Variants in RHOBTB1 observed in about 807,000 individuals in gnomAD.
RHOBTB1 encodes Rho related BTB domain containing 1, also known as rho-related BTB domain-containing protein 1.
A neutral mutation model predicts 71.6 loss-of-function variants in RHOBTB1; 40 were observed. The ratio of observed to expected loss-of-function variants is 0.56; its 90% CI spans 0.43 to 0.73. The LOEUF is 0.73. Among genes scored for constraint, RHOBTB1 ranks in the 30% least tolerant of loss-of-function variants. The pLI, the probability that RHOBTB1 is intolerant of heterozygous loss-of-function variation, is 0.00. For missense variants in RHOBTB1, 797 were observed against 894.0 expected (o/e 0.89, Z 1.38); for synonymous variants, 319 against 334.9 (o/e 0.95, Z 0.52).
chr10:60,953,502 C>CGACA (rs2085482836), intron 2 of RHOBTB1, among the ~76,000 whole-genome samples: 7 of 152,164 alleles, frequency 4.6e-5, no homozygotes, highest in Admixed American at 4.6e-4. Context: ...TAACAGTTTT[C>CGACA]AATACCTCAA....
chr10:60,897,476 T>C (rs2082214382), intron 4 of RHOBTB1, among the ~76,000 whole-genome samples: 1 of 152,188 alleles, frequency 6.6e-6, no homozygotes, highest in Non-Finnish European at 1.5e-5. Context: ...GGGCCTTGGG[T>C]TTTCTTACCT....
intron 2 of RHOBTB1, among the ~76,000 whole-genome samples, chr10:60,980,343 C>T (rs957116523): frequency 4.6e-5 from 7 of 152,032 alleles, no homozygotes; most frequent in African/African-American, 1.7e-4. Flanking sequence ...GTAAGTTGAA[C>T]ACATTTTTGA....
chr10:60,928,886 A>T (rs2084055785), intron 2 of RHOBTB1, among the ~76,000 whole-genome samples: 1 of 152,196 alleles, frequency 6.6e-6, no homozygotes, highest in Non-Finnish European at 1.5e-5. Flanking sequence ...TGGGTAATTT[A>T]TAAAGAAAAG....
chr10:60,905,642 C>T (rs1035402451), intron 4 of RHOBTB1, among the ~76,000 whole-genome samples: 1 of 151,856 alleles, frequency 6.6e-6, no homozygotes, highest in Non-Finnish European at 1.5e-5. Context: ...ATTTTATGCC[C>T]AAAGCGAGTG....
the RHOBTB1 span, among the ~76,000 whole-genome samples, chr10:60,862,780 CTT>C: frequency 6.2e-3 from 907 of 146,044 alleles, 11 homozygotes; most frequent in African/African-American, 0.022. Context: ...CTCTTTTCCT[CTT>C]TCTTTCTTCC....
intron 8 of RHOBTB1, among the ~76,000 whole-genome samples, chr10:60,875,445 C>A (rs953119626): frequency 1.3e-5 from 2 of 152,204 alleles, no homozygotes; most frequent in African/African-American, 4.8e-5. Flanking sequence ...GCTGTTTGGA[C>A]CATCCAGATA....
At chr10:60,952,873 C>G (rs1002533456) in intron 2 of RHOBTB1, among the ~76,000 whole-genome samples, 2 of 152,100 alleles carry the variant, frequency 1.3e-5, no homozygotes. Context: ...CCTTGACAAA[C>G]AGCCAATACT....
chr10:60,979,385 A>G (rs1431425679), intron 2 of RHOBTB1, among the ~76,000 whole-genome samples: 1 of 152,206 alleles, frequency 6.6e-6, no homozygotes, highest in East Asian at 1.9e-4. Flanking sequence ...ATCAATGGTC[A>G]AAAAGAAAAT....
At chr10:60,944,509 C>A (rs2085129882), upstream of RHOBTB1, among the ~76,000 whole-genome samples, 1 of 152,130 alleles carries the variant, frequency 6.6e-6, no homozygotes, top group African/African-American at 2.4e-5. Context: ...CATGGGAGAC[C>A]CCGGCCCTTT....
At chr10:60,995,570 A>G (rs1036060694) in intron 1 of RHOBTB1, among the ~76,000 whole-genome samples, 3 of 152,246 alleles carry the variant, frequency 2.0e-5, no homozygotes, top group African/African-American at 7.2e-5. Context: ...AAAGATGGCA[A>G]ACCTGCTATT....
chr10:60,866,398 C>T (rs1468671079), downstream of RHOBTB1, among the ~76,000 whole-genome samples: 2 of 152,114 alleles, frequency 1.3e-5, no homozygotes, highest in African/African-American at 4.8e-5. Context: ...AACAATTATG[C>T]ACATGAAACA....
At position 60,872,244 on chromosome 10, in the gene RHOBTB1, C is replaced by G. The variant is rs1363682961; in HGVS notation, c.1862G>C (p.Cys621Ser). 8 of 1,613,974 alleles carry G rather than the reference C, an allele frequency of 5.0e-6. No homozygotes were observed. The highest frequency in any genetic ancestry group is 5.9e-6 in the Non-Finnish European group (7 of 1,180,002). ...QLAAWCLHHI[C>S]TNYNSVCSKF... ...GGAGCATACACTGTTGTAGTTGGTG[C>G]AGATGTGGTGCAAACACCAGGCGGC... is the stretch of plus-strand genomic sequence containing the variant. Residue 621 changes from cysteine (C) to serine (S), a missense_variant, in exon 10 of 11, where the codon TGC becomes TCC. Physicochemically the swap from Cys to Ser is moderately radical, Grantham distance 112. This residue lies in a region of RHOBTB1 where 658 missense variants were observed against 681.5 expected (regional missense o/e 0.97). Transcript: ENST00000337910.
intron 4 of RHOBTB1, among the ~76,000 whole-genome samples, chr10:60,908,793 C>T (rs948264506): frequency 6.6e-6 from 1 of 152,104 alleles, no homozygotes; most frequent in African/African-American, 2.4e-5. Flanking sequence ...GGGTCTGTGT[C>T]AGGACGCCTG....
At chr10:60,878,085 T>C (rs758995253) in intron 7 of RHOBTB1, 27 bp from the exon 8 acceptor site, 1 of 1,598,616 alleles carries the variant, frequency 6.3e-7, no homozygotes, top group Non-Finnish European at 8.5e-7. Context: ...AAAGCTAAAT[T>C]CTGCTGCAGA....
chr10:61,001,437 C>A (rs938410197), exon 1 of RHOBTB1: 1 of 151,584 alleles, frequency 6.6e-6, no homozygotes, highest in Non-Finnish European at 1.5e-5. Context: ...CTCTGGGTCC[C>A]GCCGGGCGGC....
chr10:60,885,764 G>A lies in RHOBTB1; in HGVS notation c.1575+348C>T, dbSNP rs76298424. The stretch of plus-strand genomic sequence containing the variant: ...GCTCCTCTTGTACTTGGTTTTGATA[G>A]TACCATGCCTGGTGACATTTGCCAA... On this transcript the variant is annotated intron_variant, in intron 7 of 10. Transcript: ENST00000337910. Among the ~76,000 whole-genome samples the A allele has an allele frequency of 2.7e-3, 408 of 152,274 alleles. 1 individual carries two copies. Among genetic ancestry groups the A allele is most frequent in the African/African-American group, 9.3e-3 (386 of 41,546 alleles).
At chr10:60,895,630 C>T (rs545577427) in intron 4 of RHOBTB1, among the ~76,000 whole-genome samples, 3 of 152,224 alleles carry the variant, frequency 2.0e-5, no homozygotes, top group Non-Finnish European at 4.4e-5. Flanking sequence ...TCTCAAACTC[C>T]CCACCTCGGG....
At chr10:60,965,799 T>C (rs1447225465) in intron 2 of RHOBTB1, among the ~76,000 whole-genome samples, 2 of 152,128 alleles carry the variant, frequency 1.3e-5, no homozygotes, top group African/African-American at 4.8e-5. Context: ...CCTCTAACCA[T>C]CCATCCTAGA....
At chr10:60,891,274 T>G (rs1388671835) in intron 5 of RHOBTB1, among the ~76,000 whole-genome samples, 1 of 152,010 alleles carries the variant, frequency 6.6e-6, no homozygotes, top group African/African-American at 2.4e-5. Context: ...ATATAAAATT[T>G]TGTAATAAGC....
Sources: allele counts gnomAD v4.1 joint callset (sites outside exome capture counted in the v4.1 genomes callset), GRCh38; gene constraint gnomAD v4.1.1; regional missense constraint gnomAD v4.1.1; transcripts MANE v1.5; gene names NCBI Gene and HGNC (gene_info 2026-07-23, HGNC 2026-07-21).